SMPD3: variants seen among roughly 807,000 people sequenced by gnomAD.
SMPD3 encodes the protein sphingomyelin phosphodiesterase 3.
In SMPD3, 21 loss-of-function variants were observed where a neutral mutation model predicts 55.7. The ratio of observed to expected loss-of-function variants is 0.38; its 90% CI spans 0.27 to 0.54. The LOEUF (loss-of-function observed/expected upper bound fraction) is 0.54. Among genes scored for constraint, SMPD3 ranks in the 20% least tolerant of loss-of-function variants. The probability of loss-of-function intolerance (pLI) is 0.80; values close to 1 mark genes in which losing one functional copy is unlikely to be tolerated. For synonymous variants in SMPD3, 457 were observed against 404.3 expected, an observed-to-expected ratio of 1.13 and a Z score of -1.56; for missense variants, 842 against 899.6, an observed-to-expected ratio of 0.94 and a Z score of 0.82.
chr16:68,405,423 A>G (rs2090245721), intron 1 of SMPD3, among the ~76,000 whole-genome samples: 1 of 151,494 alleles, frequency 6.6e-6, no homozygotes, highest in South Asian at 2.1e-4. Context: ...GGTGGCACAC[A>G]CCCGTGGTCC....
chr16:68,400,612 T>C (rs117386293), intron 1 of SMPD3, among the ~76,000 whole-genome samples: 3,417 of 152,322 alleles, frequency 0.022, 67 homozygotes, highest in Non-Finnish European at 0.036. Flanking sequence ...TGAACTTTTT[T>C]AGTACCATAT....
chr16:68,386,968 C>A (rs1483749669), intron 1 of SMPD3, among the ~76,000 whole-genome samples: 2 of 152,202 alleles, frequency 1.3e-5, no homozygotes, highest in Non-Finnish European at 2.9e-5. Context: ...CACTGGGACC[C>A]AGGCCAGGCG....
Position 68,371,594 on chromosome 16 carries a change from C to G in SMPD3, c.588G>C (p.Val196=). The G allele has an allele frequency of 6.4e-7, 1 of 1,572,876 alleles. No homozygotes were observed. The highest frequency in any genetic ancestry group is 8.6e-7 in the Non-Finnish European group (1 of 1,159,880). Residue 196 remains valine, a synonymous_variant, in exon 3 of 9, where the codon GTG becomes GTC. Transcript: ENST00000219334. ...TAATGCTCCCGGGGACGGCCCGGGC[C>G]ACCCCATCGCCGCCCTGTGGTGACA... ...SLVSPQGGDG[V]ARAVPGSIKR... is the part of the protein sequence containing the mutation.
chr16:68,442,871 C>T (rs982830069), intron 1 of SMPD3, among the ~76,000 whole-genome samples: 25 of 152,198 alleles, frequency 1.6e-4, no homozygotes, highest in African/African-American at 2.9e-4. Flanking sequence ...GGCTTCCAAG[C>T]GCCCTCGGGA....
At chr16:68,363,664 G>C (rs528485912) in intron 6 of SMPD3, 105 bp from the exon 7 acceptor site, 1 of 1,441,470 alleles carries the variant, frequency 6.9e-7, no homozygotes, top group East Asian at 2.3e-5. Context: ...GCCAGGGGCA[G>C]CTGAATGGGG....
chr16:68,434,529 T>A (rs946438276), intron 1 of SMPD3, among the ~76,000 whole-genome samples: 1 of 152,206 alleles, frequency 6.6e-6, no homozygotes, highest in Non-Finnish European at 1.5e-5. Context: ...CCATTTAATT[T>A]TAGGTGAGTC....
chr16:68,368,694 G>A (rs1398856553), intron 3 of SMPD3: 1 of 152,774 alleles, frequency 6.5e-6, no homozygotes, highest in Non-Finnish European at 1.5e-5. Context: ...TAGGGCTGGG[G>A]GGAGAGGTCT....
At chr16:68,384,067 C>T (rs1468306526) in intron 2 of SMPD3, among the ~76,000 whole-genome samples, 5 of 152,230 alleles carry the variant, frequency 3.3e-5, no homozygotes, top group African/African-American at 9.6e-5. Context: ...GTAGTGCCTG[C>T]GGACTCCAGG....
At chr16:68,377,259 C>T (rs10775304) in intron 2 of SMPD3, among the ~76,000 whole-genome samples, 118,458 of 152,094 alleles carry the variant, frequency 0.78, 47,022 homozygotes, top group African/African-American at 0.94. Context: ...TTGACCCAAG[C>T]AGGAGGAGAA....
chr16:68,433,406 T>A (rs1191880240), intron 1 of SMPD3, among the ~76,000 whole-genome samples: 6 of 152,226 alleles, frequency 3.9e-5, no homozygotes, highest in Non-Finnish European at 1.5e-5. Context: ...TGGAGTGATG[T>A]CCAGTCAGCA....
chr16:68,437,763 C>T (rs1272072134), intron 1 of SMPD3, among the ~76,000 whole-genome samples: 8 of 152,216 alleles, frequency 5.3e-5, no homozygotes, highest in Non-Finnish European at 1.0e-4. Flanking sequence ...CCTTTCCTGC[C>T]TTTGTTTTCC....
intron 1 of SMPD3, among the ~76,000 whole-genome samples, chr16:68,401,894 T>C (rs1027651150): frequency 6.6e-6 from 1 of 152,116 alleles, no homozygotes. Flanking sequence ...TGTTCAGCTC[T>C]CCTTCCCGAC....
intron 1 of SMPD3, among the ~76,000 whole-genome samples, chr16:68,432,833 G>A (rs542254900): frequency 1.3e-5 from 2 of 151,846 alleles, no homozygotes; most frequent in African/African-American, 2.4e-5. Flanking sequence ...CTCTTTTTCC[G>A]AGACAGGGTC....
At chr16:68,433,762 G>A (rs2090498694) in intron 1 of SMPD3, among the ~76,000 whole-genome samples, 1 of 152,184 alleles carries the variant, frequency 6.6e-6, no homozygotes, top group Non-Finnish European at 1.5e-5. Context: ...CCTATCTGCT[G>A]CCCTTGCTTG....
intron 7 of SMPD3, 39 bp from the exon 8 acceptor site, chr16:68,361,798 C>T (rs777091338): frequency 1.0e-5 from 16 of 1,602,284 alleles, no homozygotes; most frequent in East Asian, 9.0e-5. Context: ...CCCCCATGCC[C>T]GCCCCTGTGG....
chr16:68,386,988 C>G (rs1260270811), intron 1 of SMPD3, among the ~76,000 whole-genome samples: 1 of 151,974 alleles, frequency 6.6e-6, no homozygotes, highest in Admixed American at 6.5e-5. Flanking sequence ...GCAGGGGGTG[C>G]GGGGTGAAGG....
At position 68,374,725 on chromosome 16, in the gene SMPD3, T is replaced by A. The variant is rs750129139; in HGVS notation, c.-206-2338A>T. ...TCACTCTCCCTCCCAGGCTGGAGGG[T>A]TCCCCCCCAGCAAACCTGCAGCCCT... is the stretch of plus-strand genomic sequence containing the variant. On this transcript the variant is annotated intron_variant, in intron 2 of 8. Transcript: ENST00000219334. 3.3e-5 allele frequency among the ~76,000 whole-genome samples: 5 copies of A among 151,988 alleles called. No individual in the cohort carries two copies. The East Asian group carries it at 5.8e-4, about 18-fold the overall frequency.
At chr16:68,436,052 T>C (rs1597668948) in intron 1 of SMPD3, among the ~76,000 whole-genome samples, 1 of 152,280 alleles carries the variant, frequency 6.6e-6, no homozygotes, top group Admixed American at 6.5e-5. Context: ...CGAGGAGGTC[T>C]CAGGGCAAGG....
At chr16:68,431,383 T>C (rs948523001) in intron 1 of SMPD3, among the ~76,000 whole-genome samples, 1 of 152,218 alleles carries the variant, frequency 6.6e-6, no homozygotes, top group Non-Finnish European at 1.5e-5. Flanking sequence ...CTGTATTAGC[T>C]TCAGTTGCAG....
Sources: allele counts gnomAD v4.1 joint callset (sites outside exome capture counted in the v4.1 genomes callset), GRCh38; gene constraint gnomAD v4.1.1; transcripts MANE v1.5; gene names NCBI Gene and HGNC (gene_info 2026-07-23, HGNC 2026-07-21).